MBP: variants seen among roughly 807,000 people sequenced by gnomAD.
MBP encodes myelin basic protein.
Under a neutral mutation model 35.8 loss-of-function variants are expected in MBP, and 16 were observed. That is an observed-to-expected ratio of 0.45 (90% CI 0.30 to 0.68). The LOEUF is 0.68. Ranked by LOEUF, MBP falls within the 30% of genes least tolerant of loss-of-function variation. MBP has a pLI of 0.08. For missense variants in MBP, 380 were observed against 404.7 expected (o/e 0.94, Z 0.52); for synonymous variants, 143 against 159.6 (o/e 0.90, Z 0.78).
chr18:77,052,800 C>T (rs558377315), intron 3 of MBP, among the ~76,000 whole-genome samples: 13 of 152,296 alleles, frequency 8.5e-5, no homozygotes, highest in Admixed American at 4.6e-4. Flanking sequence ...CCCAGCAACA[C>T]CGGGCCTGAG....
At chr18:76,995,171 A>T (rs1378390914) in intron 4 of MBP, among the ~76,000 whole-genome samples, 3 of 152,232 alleles carry the variant, frequency 2.0e-5, no homozygotes, top group African/African-American at 7.2e-5. Context: ...ACACTAGAAA[A>T]TGCTGGTGGA....
chr18:76,985,159 A>G (rs958970435), intron 7 of MBP: 1 of 1,519,516 alleles, frequency 6.6e-7, no homozygotes, highest in Admixed American at 1.8e-5. Flanking sequence ...CGGCCCAACC[A>G]CACATATTTT....
chr18:77,054,600 G>A (rs1044035547), intron 3 of MBP, among the ~76,000 whole-genome samples: 1 of 152,186 alleles, frequency 6.6e-6, no homozygotes, highest in African/African-American at 2.4e-5. Context: ...TGATGGGAGA[G>A]GTGCTTGCTA....
chr18:77,062,207 G>A (rs1000743500), intron 3 of MBP, among the ~76,000 whole-genome samples: 17 of 152,272 alleles, frequency 1.1e-4, no homozygotes, highest in Admixed American at 1.0e-3. Flanking sequence ...CTAAGACTTC[G>A]CTCACCTCAA....
chr18:77,027,203 G>C (rs1056120632), intron 3 of MBP, among the ~76,000 whole-genome samples: 1 of 151,950 alleles, frequency 6.6e-6, no homozygotes, highest in African/African-American at 2.4e-5. Flanking sequence ...TAAAAAAAAA[G>C]CAGACAACTA....
chr18:77,060,936 G>A (rs1973953985), intron 3 of MBP, among the ~76,000 whole-genome samples: 1 of 152,198 alleles, frequency 6.6e-6, no homozygotes, highest in South Asian at 2.1e-4. Context: ...TGAGGCTGCC[G>A]CTGACCCTCA....
At chr18:77,028,261 A>C in intron 3 of MBP, among the ~76,000 whole-genome samples, 3 of 134,850 alleles carry the variant, frequency 2.2e-5, no homozygotes, top group African/African-American at 7.9e-5. Flanking sequence ...AATCCATTTA[A>C]CCCTGAGTGG....
At chr18:77,120,941 A>G (rs1976869054) in intron 1 of MBP, among the ~76,000 whole-genome samples, 1 of 152,234 alleles carries the variant, frequency 6.6e-6, no homozygotes. Flanking sequence ...TATGTTCTTG[A>G]GCAAATGCAG....
chr18:77,033,846 C>A (rs1972641299), intron 3 of MBP, among the ~76,000 whole-genome samples: 1 of 151,794 alleles, frequency 6.6e-6, no homozygotes, highest in African/African-American at 2.4e-5. Flanking sequence ...ATCCATCCAT[C>A]CATCCATCCA....
At chr18:77,062,677 C>G (rs775105996) in intron 3 of MBP, among the ~76,000 whole-genome samples, 14 of 152,130 alleles carry the variant, frequency 9.2e-5, no homozygotes, top group Non-Finnish European at 1.8e-4. Context: ...TTCACAGAGA[C>G]GAGGAGGAAG....
At chr18:77,007,182 G>A (rs1971031706) in intron 4 of MBP, among the ~76,000 whole-genome samples, 2 of 152,276 alleles carry the variant, frequency 1.3e-5, no homozygotes, top group East Asian at 1.9e-4. Context: ...TAGTGCCTCC[G>A]GCCTTGCAAT....
intron 4 of MBP, 93 bp downstream of exon 4, chr18:77,016,739 T>A (rs1599071886): frequency 6.6e-7 from 1 of 1,525,992 alleles, no homozygotes; most frequent in East Asian, 2.3e-5. Context: ...AGAGGCTACG[T>A]GCCAGTTCTT....
intron 3 of MBP, among the ~76,000 whole-genome samples, chr18:77,058,617 G>A (rs1164400978): frequency 3.3e-5 from 5 of 152,248 alleles, no homozygotes; most frequent in Non-Finnish European, 7.3e-5. Flanking sequence ...AATCGTGGAC[G>A]CACTTGGAAC....
chr18:77,016,252 G>A (rs1478827826), intron 4 of MBP: 1 of 984,464 alleles, frequency 1.0e-6, no homozygotes, highest in African/African-American at 1.8e-5. Context: ...AGATAATAAA[G>A]CTTTGATTCA....
chr18:77,009,931 C>A, intron 4 of MBP: 1 of 1,576,640 alleles, frequency 6.3e-7, no homozygotes, highest in East Asian at 2.3e-5. Context: ...GGGTACCTGC[C>A]GGGGGACACA....
At chr18:77,082,030 T>C (rs886211879) in intron 2 of MBP, among the ~76,000 whole-genome samples, 2 of 151,222 alleles carry the variant, frequency 1.3e-5, no homozygotes, top group South Asian at 2.1e-4. Flanking sequence ...TTTTTTGTAT[T>C]TTTAGTAGAG....
At chr18:77,069,004 C>A (rs1272170906) in intron 2 of MBP, 1 of 484,480 alleles carries the variant, frequency 2.1e-6, no homozygotes, top group Non-Finnish European at 4.1e-6. Flanking sequence ...ACCCCCATGG[C>A]TTCCAGGCTC....
intron 1 of MBP, among the ~76,000 whole-genome samples, chr18:77,118,648 A>C (rs1341437817): frequency 1.8e-5 from 1 of 54,966 alleles, no homozygotes; most frequent in African/African-American, 5.7e-5. Flanking sequence ...ACTACACACC[A>C]CACACACACA....
intron 3 of MBP, among the ~76,000 whole-genome samples, chr18:77,050,001 C>A (rs1973420901): frequency 6.6e-6 from 1 of 152,032 alleles, no homozygotes. Context: ...TTTAAACTCC[C>A]AAAACAAAAA....
Sources: allele counts gnomAD v4.1 joint callset (sites outside exome capture counted in the v4.1 genomes callset), GRCh38; gene constraint gnomAD v4.1.1; transcripts MANE v1.5; gene names NCBI Gene and HGNC (gene_info 2026-07-23, HGNC 2026-07-21).